The following PNPLA7 variants were observed in gnomAD, a reference collection of about 807,000 sequenced individuals.
The protein encoded by PNPLA7 is patatin-like phospholipase domain-containing protein 7.
In PNPLA7, 153 loss-of-function variants were observed where a neutral mutation model predicts 161.7. The ratio of observed to expected loss-of-function variants is 0.95; its 90% CI spans 0.83 to 1.08. The LOEUF is 1.08. Ranked by LOEUF, PNPLA7 falls within the 50% of genes least tolerant of loss-of-function variation. The pLI is 0.00. For synonymous variants in PNPLA7, 809 were observed against 782.1 expected, an observed-to-expected ratio of 1.03 and a Z score of -0.57; for missense variants, 1,739 against 1,856.6, an observed-to-expected ratio of 0.94 and a Z score of 1.16.
chr9:137,506,659 T>C (rs1430452585), intron 12 of PNPLA7, among the ~76,000 whole-genome samples: 2 of 152,150 alleles, frequency 1.3e-5, no homozygotes, highest in Admixed American at 1.3e-4. Flanking sequence ...AGCTCCCCTG[T>C]TGCTGCTTTT....
At chr9:137,491,963 C>T (rs990208650) in intron 20 of PNPLA7, 1 of 985,334 alleles carries the variant, frequency 1.0e-6, no homozygotes, top group African/African-American at 1.7e-5. Context: ...CACGCGGGAG[C>T]AGCCAGGCTC....
chr9:137,464,605 T>C, intron 26 of PNPLA7, 149 bp from the exon 27 acceptor site: 1 of 729,176 alleles, frequency 1.4e-6, no homozygotes, highest in Non-Finnish European at 2.3e-6. Flanking sequence ...CTTGGCGCCC[T>C]GGCTGGAGCC....
Position 137,480,986 on chromosome 9 carries a change from C to T in PNPLA7, c.2385G>A (p.Arg795=). 1 of 1,551,638 alleles carries T rather than the reference C, an allele frequency of 6.4e-7. No homozygotes were observed. Among genetic ancestry groups the T allele is most frequent in the Non-Finnish European group, 8.7e-7 (1 of 1,146,956 alleles). ...TLLLTSDNIK[R]RLGSAALDSV... ...TGTCCAGGGCAGCGGAGCCAAGGCGCCGTTTTATGTTGTCACTAGTCAGCA... is the reference window on the plus strand; with the variant it reads ...TGTCCAGGGCAGCGGAGCCAAGGCGTCGTTTTATGTTGTCACTAGTCAGCA... Residue 795 remains arginine, a synonymous_variant, in exon 22 of 35, where the codon CGG becomes CGA. Transcript: ENST00000406427.
chr9:137,488,611 C>T (rs1407175501), intron 20 of PNPLA7, among the ~76,000 whole-genome samples: 1 of 152,180 alleles, frequency 6.6e-6, no homozygotes, highest in Non-Finnish European at 1.5e-5. Flanking sequence ...GCAGAGTCTG[C>T]TTCCCAGCCA....
At chr9:137,518,137 C>T (rs1187617951) in intron 11 of PNPLA7, among the ~76,000 whole-genome samples, 11 of 115,102 alleles carry the variant, frequency 9.6e-5, no homozygotes, top group Admixed American at 2.4e-4. Context: ...TCCACTCTGT[C>T]CACTCCATCC....
chr9:137,522,774 A>G lies in PNPLA7; in HGVS notation c.831T>C (p.His277=), dbSNP rs970246202. 1.2e-6 allele frequency: 2 copies of G among 1,613,858 alleles called. No homozygotes were observed. Among genetic ancestry groups the G allele is most frequent in the Non-Finnish European group, 1.7e-6 (2 of 1,179,974 alleles). ...TILRLPAAAF[H]GVFEKYPETL... ...TTTCCGGATATTTCTCAAAAACTCC[A>G]TGAAAAGCCGCAGCTGGAAGCCGGA... The change falls in exon 9 of 35, where the codon CAT becomes CAC. Residue 277 remains histidine (H), a synonymous_variant. Coordinates refer to ENST00000406427, the MANE Select transcript of PNPLA7 (RefSeq NM_001098537.3).
chr9:137,477,884 G>C, intron 25 of PNPLA7, 150 bp downstream of exon 25: 1 of 550,264 alleles, frequency 1.8e-6, no homozygotes. Context: ...AGGACAGGCC[G>C]GGGTGGAGGC....
chr9:137,465,099 G>A (rs995089795), intron 26 of PNPLA7, among the ~76,000 whole-genome samples: 1 of 152,216 alleles, frequency 6.6e-6, no homozygotes, highest in Admixed American at 6.5e-5. Flanking sequence ...TAGTGAGCCA[G>A]GGCTCAGGGG....
In PNPLA7 at chr9:137,541,904, C is replaced by T. The variant is rs1450787164; in HGVS notation, c.666+738G>A. 6.6e-6 allele frequency among the ~76,000 whole-genome samples: 1 copy of T among 152,128 alleles called. No homozygotes were observed. Among genetic ancestry groups the T allele is most frequent in the Non-Finnish European group, 1.5e-5 (1 of 68,030 alleles). ...TCAAGCGATCCTCCCACCTCAGCCC[C>T]CAAGTGGCTGGGACCACAGGTGCTA... On this transcript the variant is annotated intron_variant, in intron 7 of 34. Coordinates refer to ENST00000406427, the MANE Select transcript of PNPLA7 (RefSeq NM_001098537.3). This position sits in a 1 kb window ranked among gnomAD's most constrained non-coding sequence, Gnocchi z 4.4.
chr9:137,508,349 C>T (rs926791916), intron 12 of PNPLA7, among the ~76,000 whole-genome samples: 8 of 152,124 alleles, frequency 5.3e-5, no homozygotes, highest in Non-Finnish European at 1.2e-4. Flanking sequence ...GGGCGGATCA[C>T]GAGGTCAGGA....
chr9:137,484,462 A>G, intron 21 of PNPLA7, 125 bp downstream of exon 21: 5 of 1,088,112 alleles, frequency 4.6e-6, no homozygotes, highest in Non-Finnish European at 6.2e-6. Flanking sequence ...ACTACCGAAC[A>G]CTGACCCCAA....
At chr9:137,497,331 C>A in intron 17 of PNPLA7, 21 bp from the exon 18 acceptor site, 2 of 1,523,484 alleles carry the variant, frequency 1.3e-6, no homozygotes, top group Non-Finnish European at 1.8e-6. Context: ...CACAGAGGCC[C>A]TGCAGCCCTG....
Position 137,480,485 on chromosome 9 carries a change from A to C in PNPLA7, c.2412-5T>G. 6.2e-7 allele frequency: 1 copy of C among 1,603,468 alleles called. No individual in the cohort carries two copies. Among genetic ancestry groups the C allele is most frequent in the South Asian group, 1.1e-5 (1 of 90,322 alleles). On this transcript the variant is annotated splice_region_variant and splice_polypyrimidine_tract_variant and intron_variant, in intron 22 of 34. Coordinates refer to ENST00000406427, the MANE Select transcript of PNPLA7 (RefSeq NM_001098537.3). ...GACAGCCGGTACTCGTGAACACTGC[A>C]GCACGCAGAGGGAGTACCTCACTAC...
intron 1 of PNPLA7, among the ~76,000 whole-genome samples, chr9:137,549,779 C>T (rs1329033163): frequency 2.6e-5 from 4 of 151,794 alleles, no homozygotes; most frequent in South Asian, 2.1e-4. Context: ...AGCGAGACTC[C>T]GTCTTGGGAA....
At chr9:137,494,992 C>T (rs1832972035) in intron 19 of PNPLA7, 41 bp downstream of exon 19, 1 of 1,544,610 alleles carries the variant, frequency 6.5e-7, no homozygotes, top group Non-Finnish European at 8.9e-7. Flanking sequence ...ATCCACTCCA[C>T]ACCCTCATCC....
Position 137,461,586 on chromosome 9 carries a change from AGGT to A in PNPLA7, c.3788_3790del (p.Asp1263_Leu1264delinsVal), listed in dbSNP as rs755986418. On this transcript the variant is annotated inframe_deletion, in exon 33 of 35. Coordinates refer to ENST00000406427, the MANE Select transcript of PNPLA7 (RefSeq NM_001098537.3). Reference sequence around the variant, plus strand: ...CTCAATGCGAGACACAATTTCGGCAAGGTCCGTGAAGGAGGCGTTGGGACAGGT... The same window carrying A: ...CTCAATGCGAGACACAATTTCGGCAACCGTGAAGGAGGCGTTGGGACAGGT... 6.2e-7 allele frequency: 1 copy of A among 1,612,822 alleles called. No individual in the cohort carries two copies.
At chr9:137,460,516 G>A in intron 34 of PNPLA7, 40 bp from the exon 35 acceptor site, 4 of 1,606,336 alleles carry the variant, frequency 2.5e-6, no homozygotes, top group East Asian at 2.2e-5. Flanking sequence ...GACCAGGCAG[G>A]GCAGGGGCTC....
At position 137,544,884 on chromosome 9, in the gene PNPLA7, A is replaced by G. The variant is rs1419709492; in HGVS notation, c.274-1069T>C. Among the ~76,000 whole-genome samples the G allele has an allele frequency of 3.3e-5, 5 of 152,276 alleles. No individual in the cohort carries two copies. The East Asian group carries it at 9.7e-4, about 30-fold the overall frequency. On this transcript the variant is annotated intron_variant, in intron 4 of 34. Transcript: ENST00000406427. The stretch of plus-strand genomic sequence containing the variant: ...AGGCTGGTCTCGAACTCCTGACCTC[A>G]TGATCCGCCCACCTCAGCCTCTCAA...
chr9:137,550,132 G>A (rs1382175134), intron 1 of PNPLA7, 36 bp downstream of exon 1: 7 of 1,612,188 alleles, frequency 4.3e-6, no homozygotes, highest in Non-Finnish European at 5.9e-6. Context: ...CCCCCCAACT[G>A]GGAAATCCAG....
Sources: gnomAD v4.1 joint callset for allele counts (sites outside exome capture counted in the v4.1 genomes callset) on GRCh38, gnomAD v4.1.1 for gene constraint, Gnocchi (gnomAD v3.1) non-coding constraint, MANE v1.5 for transcripts, NCBI Gene and HGNC (gene_info 2026-07-23, HGNC 2026-07-21) for gene names.